XKR3: variants seen among roughly 807,000 people sequenced by gnomAD.
The protein encoded by XKR3 is XK related 3, also known as XK-related protein 3.
XKR3 carries 27 observed loss-of-function variants against 40.3 expected under a neutral mutation model. The ratio of observed to expected loss-of-function variants is 0.67; its 90% CI spans 0.49 to 0.92. The LOEUF is 0.92. Ranked by LOEUF, XKR3 falls within the 40% of genes least tolerant of loss-of-function variation. The pLI is 0.00. For missense variants in XKR3, 472 were observed against 537.6 expected, an observed-to-expected ratio of 0.88 and a Z score of 1.21; for synonymous variants, 193 against 195.4, an observed-to-expected ratio of 0.99 and a Z score of 0.10.
At chr22:16,809,629 T>G (rs2060204587) in intron 1 of XKR3, among the ~76,000 whole-genome samples, 1 of 152,254 alleles carries the variant, frequency 6.6e-6, no homozygotes, top group African/African-American at 2.4e-5. Flanking sequence ...TGAATATTTT[T>G]GCCATTGATA....
At chr22:16,823,806 G>GTT (rs34901478) in intron 1 of XKR3, among the ~76,000 whole-genome samples, 25 of 149,214 alleles carry the variant, frequency 1.7e-4, no homozygotes, top group African/African-American at 5.9e-4. Context: ...GTACTAAAAG[G>GTT]TTTTTTTTTT....
chr22:16,791,527 TA>T (rs2060115640), intron 3 of XKR3, among the ~76,000 whole-genome samples: 1 of 150,844 alleles, frequency 6.6e-6, no homozygotes, highest in South Asian at 2.1e-4. Flanking sequence ...GAATGGATAT[TA>T]ATTGCTCTTA....
chr22:16,813,248 C>T (rs1435399871), intron 1 of XKR3, among the ~76,000 whole-genome samples: 1 of 151,810 alleles, frequency 6.6e-6, no homozygotes, highest in Non-Finnish European at 1.5e-5. Context: ...TGCACCACTG[C>T]ACTCCAGCCT....
chr22:16,795,617 C>G (rs1299766623), intron 3 of XKR3, among the ~76,000 whole-genome samples: 1 of 151,870 alleles, frequency 6.6e-6, no homozygotes, highest in Non-Finnish European at 1.5e-5. Flanking sequence ...CAAGAGTTGG[C>G]CTTTGAAAAT....
At chr22:16,785,388 A>T (rs1471949316) in intron 3 of XKR3, among the ~76,000 whole-genome samples, 4 of 152,164 alleles carry the variant, frequency 2.6e-5, no homozygotes, top group African/African-American at 7.2e-5. Flanking sequence ...CAACTTTATG[A>T]GAAACTTTTT....
chr22:16,811,480 C>A (rs1163951978), intron 1 of XKR3, among the ~76,000 whole-genome samples: 1 of 152,062 alleles, frequency 6.6e-6, no homozygotes, highest in African/African-American at 2.4e-5. Context: ...GCTTACTATT[C>A]GGTCTTCTTA....
At chr22:16,808,607 T>C (rs1342159798) in intron 1 of XKR3, among the ~76,000 whole-genome samples, 1 of 152,216 alleles carries the variant, frequency 6.6e-6, no homozygotes, top group African/African-American at 2.4e-5. Flanking sequence ...ATACTGTTTC[T>C]TGACTGAACT....
At chr22:16,816,376 A>G (rs1250381708) in intron 1 of XKR3, among the ~76,000 whole-genome samples, 1 of 150,378 alleles carries the variant, frequency 6.6e-6, no homozygotes, top group East Asian at 1.9e-4. Flanking sequence ...GTAGTTATTC[A>G]TTTTTTTGAA....
chr22:16,797,006 G>T (rs1375539775), intron 3 of XKR3, among the ~76,000 whole-genome samples: 1 of 152,076 alleles, frequency 6.6e-6, no homozygotes, highest in Non-Finnish European at 1.5e-5. Flanking sequence ...GGGAACCCAG[G>T]TATAAAGCCA....
chr22:16,822,524 T>G (rs2060261210), intron 1 of XKR3, among the ~76,000 whole-genome samples: 1 of 152,110 alleles, frequency 6.6e-6, no homozygotes. Flanking sequence ...GTAAAGCCTA[T>G]AAGAGAAATA....
chr22:16,801,641 A>C (rs915214839), intron 2 of XKR3, among the ~76,000 whole-genome samples: 7 of 152,136 alleles, frequency 4.6e-5, no homozygotes, highest in African/African-American at 1.7e-4. Flanking sequence ...TCAGGTGTTA[A>C]AGAGTTATAA....
At chr22:16,799,228 A>G (rs2060155792) in intron 3 of XKR3, among the ~76,000 whole-genome samples, 1 of 151,670 alleles carries the variant, frequency 6.6e-6, no homozygotes, top group African/African-American at 2.4e-5. Context: ...CCTGGCTAAC[A>G]CAGTGAAACC....
chr22:16,793,574 A>G (rs2060129364), intron 3 of XKR3, among the ~76,000 whole-genome samples: 1 of 152,224 alleles, frequency 6.6e-6, no homozygotes, highest in African/African-American at 2.4e-5. Context: ...CCTGGTGACC[A>G]TAAAACAGAC....
intron 1 of XKR3, among the ~76,000 whole-genome samples, 164 bp from the exon 2 acceptor site, chr22:16,808,247 A>G (rs2060198723): frequency 6.6e-6 from 1 of 152,198 alleles, no homozygotes; most frequent in Admixed American, 6.5e-5. Flanking sequence ...TTTAGGGAAT[A>G]TTGAACTATG....
In XKR3 at chr22:16,785,183, G is replaced by A. The variant is rs372828503; in HGVS notation, c.590-774C>T. On this transcript the variant is annotated intron_variant, in intron 3 of 3. Coordinates refer to ENST00000684488, the MANE Select transcript of XKR3 (RefSeq NM_001386955.1). ...ATACAAAAAATTAGCCGGGCGTAGT[G>A]GTGGGAGCTTGTAGTCCCAGCTACT... 2.6e-3 allele frequency among the ~76,000 whole-genome samples: 397 copies of A among 152,198 alleles called. 3 individuals are homozygous for A. Among genetic ancestry groups the A allele is most frequent in the African/African-American group, 9.2e-3 (384 of 41,522 alleles).
At chr22:16,793,818 G>A (rs4819890) in intron 3 of XKR3, among the ~76,000 whole-genome samples, 108,898 of 152,028 alleles carry the variant, frequency 0.72, 40,118 homozygotes, top group Middle Eastern at 0.88. Context: ...AAATTCAAGA[G>A]CTGAAAGATG....
chr22:16,786,992 G>A (rs115043964), intron 3 of XKR3, among the ~76,000 whole-genome samples: 6,475 of 152,128 alleles, frequency 0.043, 349 homozygotes, highest in African/African-American at 0.13. Context: ...CAATGTAGTG[G>A]ACTTAAGGAA....
At position 16,807,935 on chromosome 22, in the gene XKR3, C is replaced by T. The variant is rs758638828; in HGVS notation, c.139G>A (p.Glu47Lys). 3 of 1,614,026 alleles carry T rather than the reference C, an allele frequency of 1.9e-6. No individual in the cohort carries two copies. The highest frequency in any genetic ancestry group is 2.5e-6 in the Non-Finnish European group (3 of 1,179,934). The change falls in exon 2 of 4, where the codon GAG becomes AAG. Residue 47 changes from glutamate to lysine, a missense_variant. Glu to Lys is a moderately conservative substitution (Grantham distance 56). Coordinates refer to ENST00000684488, the MANE Select transcript of XKR3 (RefSeq NM_001386955.1). ...IIFSTVLYCG[E>K]VAFGLYMFEI... ...AACATGTATAAACCAAAGGCAACCT[C>T]ACCACAGTAGAGAACAGTTGAGAAG...
chr22:16,822,711 T>A (rs891562266), intron 1 of XKR3, among the ~76,000 whole-genome samples: 1 of 152,160 alleles, frequency 6.6e-6, no homozygotes, highest in East Asian at 1.9e-4. Flanking sequence ...AAATATCAAC[T>A]GATGCTCAAG....
Sources: allele counts gnomAD v4.1 joint callset (sites outside exome capture counted in the v4.1 genomes callset), GRCh38; gene constraint gnomAD v4.1.1; transcripts MANE v1.5; gene names NCBI Gene and HGNC (gene_info 2026-07-23, HGNC 2026-07-21).